CSNK1G1: variants seen among roughly 807,000 people sequenced by gnomAD.
The protein encoded by CSNK1G1 is casein kinase 1 gamma 1.
In CSNK1G1, 22 loss-of-function variants were observed where a neutral mutation model predicts 59.6. That is an observed-to-expected ratio of 0.37 (90% CI 0.26 to 0.53). The LOEUF (loss-of-function observed/expected upper bound fraction) is 0.53, where lower values mean the gene tolerates loss of function less well. Among genes scored for constraint, CSNK1G1 ranks in the 20% least tolerant of loss-of-function variants. The pLI is 0.89. For synonymous variants in CSNK1G1, 179 were observed against 177.1 expected (o/e 1.01, Z -0.08); for missense variants, 384 against 519.5 (o/e 0.74, Z 2.54).
At chr15:64,338,872 C>CTG (rs1897539654) in intron 1 of CSNK1G1, among the ~76,000 whole-genome samples, 2 of 151,836 alleles carry the variant, frequency 1.3e-5, no homozygotes, top group African/African-American at 4.8e-5. Flanking sequence ...ACAAAATTAG[C>CTG]CAAGGATGGT....
In CSNK1G1 at chr15:64,170,672, T is replaced by C. The variant is rs529031254; in HGVS notation, c.*1259A>G. ...CTCTTTTTTTCCACTAATGGCAATA[T>C]GGTGGTGGCTGTTTCATCACTAATT... On this transcript the variant is annotated 3_prime_UTR_variant, in exon 12 of 12. Coordinates refer to ENST00000303052, the MANE Select transcript of CSNK1G1 (RefSeq NM_022048.5). 9.2e-5 allele frequency: 14 copies of C among 152,768 alleles called. No individual in the cohort carries two copies. Among genetic ancestry groups the C allele is most frequent in the African/African-American group, 3.1e-4 (13 of 41,576 alleles). The allele number at this position is 152,768 out of a possible 1,614,324, so 9.5% of individuals were successfully genotyped here.
intron 10 of CSNK1G1, among the ~76,000 whole-genome samples, chr15:64,185,818 C>T (rs1454889545): frequency 6.8e-6 from 1 of 147,296 alleles, no homozygotes; most frequent in African/African-American, 2.5e-5. Flanking sequence ...GCCAAGATCG[C>T]GCTACTGCAC....
At chr15:64,249,903 T>G (rs1201594059) in intron 4 of CSNK1G1, among the ~76,000 whole-genome samples, 1 of 152,196 alleles carries the variant, frequency 6.6e-6, no homozygotes, top group African/African-American at 2.4e-5. Flanking sequence ...TGGATCTATT[T>G]GAAAGGGCTT....
chr15:64,323,229 C>T (rs909750337), intron 1 of CSNK1G1, among the ~76,000 whole-genome samples: 1 of 152,042 alleles, frequency 6.6e-6, no homozygotes, highest in African/African-American at 2.4e-5. Context: ...AACCAGCCTC[C>T]TCTTGCTTTT....
At chr15:64,335,373 A>C (rs750550763) in intron 1 of CSNK1G1, among the ~76,000 whole-genome samples, 10 of 152,146 alleles carry the variant, frequency 6.6e-5, no homozygotes, top group Non-Finnish European at 1.2e-4. Flanking sequence ...AAGTACCACA[A>C]AGGTCCTGAT....
intron 11 of CSNK1G1, 102 bp from the exon 12 acceptor site, chr15:64,172,087 C>T: frequency 9.4e-7 from 1 of 1,061,948 alleles, no homozygotes; most frequent in Non-Finnish European, 1.4e-6. Flanking sequence ...TTCCCCCTAG[C>T]ACCCACCCAT....
At chr15:64,291,145 T>C (rs1894719413) in intron 2 of CSNK1G1, among the ~76,000 whole-genome samples, 1 of 152,222 alleles carries the variant, frequency 6.6e-6, no homozygotes, top group African/African-American at 2.4e-5. Flanking sequence ...CAAATATATA[T>C]CAATGTTTCT....
At position 64,337,411 on chromosome 15, in the gene CSNK1G1, C is replaced by A. The variant is rs188458595; in HGVS notation, c.-225+18577G>T. Reference sequence around the variant, plus strand: ...CCACCCAGGCTGAAATGCAGTCGTACCATGATAGCTCACTGCAGCCTCGAA... The same window carrying A: ...CCACCCAGGCTGAAATGCAGTCGTAACATGATAGCTCACTGCAGCCTCGAA... On this transcript the variant is annotated intron_variant, in intron 1 of 11. Transcript: ENST00000303052. Among the ~76,000 whole-genome samples, 11 of 152,220 alleles carry A rather than the reference C, an allele frequency of 7.2e-5. No individual in the cohort carries two copies. The East Asian group carries it at 1.7e-3, about 24-fold the overall frequency.
chr15:64,302,983 A>T (rs977910419), intron 1 of CSNK1G1, among the ~76,000 whole-genome samples: 1 of 152,198 alleles, frequency 6.6e-6, no homozygotes, highest in Non-Finnish European at 1.5e-5. Context: ...CTAGTATAAC[A>T]TTAGATGGAA....
chr15:64,324,667 A>G (rs1331150291), intron 1 of CSNK1G1, among the ~76,000 whole-genome samples: 1 of 152,154 alleles, frequency 6.6e-6, no homozygotes, highest in African/African-American at 2.4e-5. Context: ...GTGAGTCTTC[A>G]CCTTGTGACT....
At chr15:64,257,868 T>C (rs1197862390) in intron 3 of CSNK1G1, among the ~76,000 whole-genome samples, 1 of 152,172 alleles carries the variant, frequency 6.6e-6, no homozygotes, top group Admixed American at 6.5e-5. Context: ...TTGACCTGCA[T>C]TGTTACATGT....
intron 10 of CSNK1G1, among the ~76,000 whole-genome samples, chr15:64,202,725 TG>T (rs770453285): frequency 6.6e-5 from 10 of 152,108 alleles, no homozygotes; most frequent in Non-Finnish European, 1.3e-4. Flanking sequence ...ACTAATTTTT[TG>T]TATTTTATGT....
intron 2 of CSNK1G1, among the ~76,000 whole-genome samples, chr15:64,261,340 C>T (rs1012222833): frequency 2.6e-5 from 4 of 152,182 alleles, no homozygotes; most frequent in African/African-American, 9.7e-5. Context: ...GTGGCTCATG[C>T]CTGTAATCCC....
In CSNK1G1 at chr15:64,204,962, A is replaced by T. The variant is rs769833229; in HGVS notation, c.766-13T>A. 2.5e-5 allele frequency: 38 copies of T among 1,503,202 alleles called. No individual in the cohort carries two copies. The Admixed American group carries it at 6.8e-4, about 27-fold the overall frequency. The allele number at this position is 1,503,202 out of a possible 1,614,324, so 93.1% of individuals were successfully genotyped here. On this transcript the variant is annotated splice_polypyrimidine_tract_variant and intron_variant, in intron 7 of 11. Coordinates refer to ENST00000303052, the MANE Select transcript of CSNK1G1 (RefSeq NM_022048.5). Reference sequence around the variant, plus strand: ...TTAATGTGTCAGCCTGTAGAGAGTAAAGAGAGAAAGTTACTTTAAAAGAGG... The same window carrying T: ...TTAATGTGTCAGCCTGTAGAGAGTATAGAGAGAAAGTTACTTTAAAAGAGG...
chr15:64,344,553 T>C (rs1308666331), intron 1 of CSNK1G1, among the ~76,000 whole-genome samples: 1 of 152,176 alleles, frequency 6.6e-6, no homozygotes, highest in African/African-American at 2.4e-5. Flanking sequence ...AATTTGCTCA[T>C]AGAAATCCAG....
At chr15:64,333,705 C>T (rs1897238596) in intron 1 of CSNK1G1, among the ~76,000 whole-genome samples, 1 of 152,038 alleles carries the variant, frequency 6.6e-6, no homozygotes, top group Non-Finnish European at 1.5e-5. Context: ...TCACCTAACA[C>T]CTAAGGATTC....
Position 64,165,911 on chromosome 15 carries a change from A to C in CSNK1G1, c.*6020T>G, listed in dbSNP as rs953775207. ...AACCCATTTTCCATTTTCTCCAAAG[A>C]AGGCTACTTCCTCTGCAGAGAAGAT... On this transcript the variant is annotated 3_prime_UTR_variant, in exon 12 of 12. Transcript: ENST00000303052. The C allele has an allele frequency of 9.1e-6, 5 of 548,322 alleles. No individual in the cohort carries two copies. Among genetic ancestry groups the C allele is most frequent in the African/African-American group, 2.0e-5 (1 of 51,020 alleles). 34.0% of individuals were successfully genotyped at this position (548,322 alleles called of 1,614,324 possible).
At chr15:64,300,176 C>T in intron 2 of CSNK1G1, 143 bp downstream of exon 2, 1 of 718,696 alleles carries the variant, frequency 1.4e-6, no homozygotes, top group Non-Finnish European at 2.4e-6. Context: ...GACTATAGTG[C>T]CCCTTCACAA....
chr15:64,205,045 C>T (rs1430952166), intron 7 of CSNK1G1, 96 bp from the exon 8 acceptor site: 6 of 666,888 alleles, frequency 9.0e-6, no homozygotes, highest in African/African-American at 3.7e-5. Flanking sequence ...CACTCAAATT[C>T]GCAGTATTTG....
Sources: allele counts gnomAD v4.1 joint callset (sites outside exome capture counted in the v4.1 genomes callset), GRCh38; gene constraint gnomAD v4.1.1; transcripts MANE v1.5; gene names NCBI Gene and HGNC (gene_info 2026-07-23, HGNC 2026-07-21).